The following LRRFIP2 variants were observed in gnomAD, a reference collection of about 807,000 sequenced individuals.
LRRFIP2 encodes the protein leucine-rich repeat flightless-interacting protein 2.
Under a neutral mutation model 125.9 loss-of-function variants are expected in LRRFIP2, and 109 were observed. The ratio of observed to expected loss-of-function variants is 0.87; its 90% CI spans 0.74 to 1.01. The LOEUF (loss-of-function observed/expected upper bound fraction) is 1.01. LRRFIP2 is among the 50% of genes least tolerant of loss of function. The probability of loss-of-function intolerance (pLI) is 0.00; values close to 1 mark genes in which losing one functional copy is unlikely to be tolerated. For synonymous variants in LRRFIP2, 291 were observed against 293.1 expected (o/e 0.99, Z 0.07); for missense variants, 850 against 862.3 (o/e 0.99, Z 0.18).
chr3:37,112,814 T>A, intron 8 of LRRFIP2, 101 bp downstream of exon 8: 1 of 605,284 alleles, frequency 1.7e-6, no homozygotes, highest in East Asian at 2.8e-5. Flanking sequence ...CAGCAGATTA[T>A]CAAGTTTCAA....
chr3:37,105,516 T>C lies in LRRFIP2; in HGVS notation c.722A>G (p.Asn241Ser), dbSNP rs778765141. 14 of 1,613,090 alleles carry C rather than the reference T, an allele frequency of 8.7e-6. No homozygotes were observed. The highest frequency in any genetic ancestry group is 2.7e-5 in the African/African-American group (2 of 74,926). The change falls in exon 14 of 28, where the codon AAC becomes AGC. Residue 241 changes from asparagine to serine, a missense_variant. Transcript: ENST00000336686. ...AGACACAATGCTTGCAGTGTCATCGTTGGTAAACTATAGATATTAAATGCA... is the reference window on the plus strand; with the variant it reads ...AGACACAATGCTTGCAGTGTCATCGCTGGTAAACTATAGATATTAAATGCA... ...SSARSSPGFT[N>S]DDTASIVSSD...
At chr3:37,070,458 G>A (rs191148485) in intron 21 of LRRFIP2, among the ~76,000 whole-genome samples, 156 of 152,068 alleles carry the variant, frequency 1.0e-3, no homozygotes, top group African/African-American at 2.7e-3. Flanking sequence ...AATTCTGGCC[G>A]GGCACAGTGG....
intron 2 of LRRFIP2, among the ~76,000 whole-genome samples, chr3:37,129,519 T>C (rs2095372157): frequency 6.6e-6 from 1 of 152,220 alleles, no homozygotes; most frequent in Non-Finnish European, 1.5e-5. Context: ...TTTTGGACAC[T>C]GCCAATAATC....
At chr3:37,124,544 T>A (rs979879082) in intron 4 of LRRFIP2, among the ~76,000 whole-genome samples, 2 of 152,212 alleles carry the variant, frequency 1.3e-5, no homozygotes, top group Non-Finnish European at 2.9e-5. Context: ...ATTCTATTTT[T>A]AAGAGCTAGA....
chr3:37,061,889 A>T (rs752852248), intron 24 of LRRFIP2, among the ~76,000 whole-genome samples: 5 of 152,118 alleles, frequency 3.3e-5, no homozygotes, highest in Non-Finnish European at 7.4e-5. Context: ...CCTCTCTCTA[A>T]CCACTATTCC....
chr3:37,162,324 C>A (rs1388886378), intron 1 of LRRFIP2, among the ~76,000 whole-genome samples: 1 of 152,026 alleles, frequency 6.6e-6, no homozygotes, highest in Non-Finnish European at 1.5e-5. Context: ...GAATTTTAAA[C>A]AATGAGAACA....
chr3:37,123,172 T>C (rs2095131273), intron 4 of LRRFIP2, among the ~76,000 whole-genome samples: 1 of 146,280 alleles, frequency 6.8e-6, no homozygotes, highest in Non-Finnish European at 1.5e-5. Context: ...GATTTACATT[T>C]GTTGTTGTTG....
chr3:37,173,722 T>C (rs1274816266), intron 1 of LRRFIP2, among the ~76,000 whole-genome samples: 4 of 152,220 alleles, frequency 2.6e-5, no homozygotes, highest in Non-Finnish European at 4.4e-5. Context: ...CTATATATCA[T>C]CAACTCTGTT....
rs376295401 is a variant in LRRFIP2, at chr3:37,147,186, T to A, written c.90+1708A>T. Among the ~76,000 whole-genome samples the A allele has an allele frequency of 2.5e-3, 386 of 152,218 alleles. 2 individuals carry two copies. The highest frequency in any genetic ancestry group is 8.9e-3 in the African/African-American group (370 of 41,530). ...CATCTCACGCCAGTCAGAATGGTGA[T>A]TATTAAAAAGTCAAGAAACAACAGA... On this transcript the variant is annotated intron_variant, in intron 2 of 27. Coordinates refer to ENST00000336686, the MANE Select transcript of LRRFIP2 (RefSeq NM_006309.4).
intron 18 of LRRFIP2, among the ~76,000 whole-genome samples, chr3:37,088,799 T>TA (rs1369617027): frequency 3.3e-5 from 5 of 150,956 alleles, no homozygotes; most frequent in Non-Finnish European, 7.4e-5. Context: ...ACCTTGTCTC[T>TA]AAAAAAAAAT....
At chr3:37,097,318 G>GT (rs1473585342) in intron 15 of LRRFIP2, among the ~76,000 whole-genome samples, 1 of 151,848 alleles carries the variant, frequency 6.6e-6, no homozygotes, top group Non-Finnish European at 1.5e-5. Flanking sequence ...AAAAATTCTA[G>GT]TAAGTGTCCC....
chr3:37,149,837 C>A (rs1361948457), intron 1 of LRRFIP2, among the ~76,000 whole-genome samples: 1 of 151,834 alleles, frequency 6.6e-6, no homozygotes. Flanking sequence ...CCCATCTCCA[C>A]TAAAAATTCA....
intron 2 of LRRFIP2, among the ~76,000 whole-genome samples, chr3:37,147,150 C>A (rs1263043449): frequency 1.3e-5 from 2 of 152,090 alleles, no homozygotes; most frequent in Non-Finnish European, 2.9e-5. Context: ...ATCAAAACCA[C>A]AATGAGAAAC....
intron 15 of LRRFIP2, among the ~76,000 whole-genome samples, chr3:37,098,474 GCCTCC>G (rs1170871942): frequency 1.3e-5 from 2 of 150,534 alleles, no homozygotes; most frequent in African/African-American, 4.9e-5. Context: ...TGCACCCTCT[GCCTCC>G]CAGGTTCAAG....
intron 1 of LRRFIP2, among the ~76,000 whole-genome samples, chr3:37,173,472 T>G (rs1011984102): frequency 1.3e-5 from 2 of 152,182 alleles, no homozygotes; most frequent in African/African-American, 4.8e-5. Flanking sequence ...TAAATGATGA[T>G]CACAGATTAT....
intron 4 of LRRFIP2, among the ~76,000 whole-genome samples, chr3:37,124,973 T>G (rs2095220772): frequency 6.6e-6 from 1 of 151,840 alleles, no homozygotes; most frequent in Non-Finnish European, 1.5e-5. Context: ...GTGAGGAAAA[T>G]AATACATCGT....
intron 1 of LRRFIP2, among the ~76,000 whole-genome samples, chr3:37,149,896 G>A (rs1280696273): frequency 1.3e-5 from 2 of 151,690 alleles, no homozygotes; most frequent in Admixed American, 6.6e-5. Context: ...AGCTACTATG[G>A]TGGCTGAGGC....
intron 2 of LRRFIP2, among the ~76,000 whole-genome samples, chr3:37,142,565 A>T (rs1236263445): frequency 2.0e-5 from 3 of 152,232 alleles, no homozygotes; most frequent in Admixed American, 2.0e-4. Flanking sequence ...TAAATAAAAT[A>T]TGCATTTCAA....
intron 6 of LRRFIP2, among the ~76,000 whole-genome samples, chr3:37,116,235 C>T (rs998701848): frequency 1.3e-5 from 2 of 152,016 alleles, no homozygotes; most frequent in African/African-American, 4.8e-5. Flanking sequence ...AGTGATCCTC[C>T]CACTTCAGGC....
Sources: allele counts gnomAD v4.1 joint callset (sites outside exome capture counted in the v4.1 genomes callset), GRCh38; gene constraint gnomAD v4.1.1; transcripts MANE v1.5; gene names NCBI Gene and HGNC (gene_info 2026-07-23, HGNC 2026-07-21).